The following SCAF4 variants were observed in gnomAD, a reference collection of about 807,000 sequenced individuals.
SCAF4 encodes SR-related CTD associated factor 4.
SCAF4 carries 25 observed loss-of-function variants against 129.8 expected under a neutral mutation model. The ratio of observed to expected loss-of-function variants is 0.19; its 90% CI spans 0.14 to 0.27. SCAF4 has a LOEUF of 0.27. Ranked by LOEUF, SCAF4 falls within the 10% of genes least tolerant of loss-of-function variation. The pLI is 1.00. For synonymous variants in SCAF4, 551 were observed against 497.7 expected (o/e 1.11, Z -1.43); for missense variants, 1,246 against 1,457.1 (o/e 0.86, Z 2.36).
intron 1 of SCAF4, among the ~76,000 whole-genome samples, chr21:31,723,636 G>GCA (rs1205889541): frequency 4.1e-5 from 6 of 146,678 alleles, no homozygotes; most frequent in South Asian, 2.2e-4. Flanking sequence ...GTGTGCGCGC[G>GCA]CGCGCGCGCG....
chr21:31,727,157 C>T (rs1379340464), intron 1 of SCAF4, among the ~76,000 whole-genome samples: 1 of 152,094 alleles, frequency 6.6e-6, no homozygotes, highest in East Asian at 1.9e-4. Flanking sequence ...CGGTTCACTG[C>T]AACCTCTGCC....
intron 3 of SCAF4, among the ~76,000 whole-genome samples, chr21:31,704,680 T>C (rs1036473387): frequency 3.3e-5 from 5 of 152,204 alleles, no homozygotes; most frequent in African/African-American, 1.2e-4. Flanking sequence ...TTTACTTTTA[T>C]AAATGTACAT....
chr21:31,700,755 T>TTTC (rs1482806199), intron 7 of SCAF4: 1 of 411,336 alleles, frequency 2.4e-6, no homozygotes, highest in Non-Finnish European at 4.4e-6. Flanking sequence ...TTTTTTTTTT[T>TTTC]TTCACTTTTT....
intron 1 of SCAF4, among the ~76,000 whole-genome samples, chr21:31,714,538 TAAA>T (rs1194853904): frequency 6.6e-6 from 1 of 152,138 alleles, no homozygotes; most frequent in African/African-American, 2.4e-5. Flanking sequence ...CAAAATCCTC[TAAA>T]AATTATGAAG....
intron 16 of SCAF4, among the ~76,000 whole-genome samples, chr21:31,687,230 A>C (rs112795458): frequency 0.016 from 2,437 of 152,302 alleles, 73 homozygotes; most frequent in African/African-American, 0.055. Flanking sequence ...ACATAGAACT[A>C]TGGGTCAAGT....
At chr21:31,710,031 G>C (rs989929675) in intron 1 of SCAF4, among the ~76,000 whole-genome samples, 1 of 151,734 alleles carries the variant, frequency 6.6e-6, no homozygotes, top group South Asian at 2.1e-4. Flanking sequence ...AAGGAATATA[G>C]GGGGAAAAAA....
chr21:31,718,328 T>G (rs1237567821), intron 1 of SCAF4, among the ~76,000 whole-genome samples: 1 of 152,212 alleles, frequency 6.6e-6, no homozygotes, highest in East Asian at 1.9e-4. Context: ...AAATTCCACT[T>G]GCTTGTCACA....
In SCAF4 at chr21:31,685,681, G is replaced by A; in HGVS notation, c.2096C>T (p.Ala699Val). 6.2e-7 allele frequency: 1 copy of A among 1,612,822 alleles called. No homozygotes were observed. Among genetic ancestry groups the A allele is most frequent in the Non-Finnish European group, 8.5e-7 (1 of 1,179,470 alleles). Residue 699 changes from alanine to valine, a missense_variant, in exon 17 of 20, where the codon GCT (alanine) becomes GTT (valine). By Grantham distance (64) the Ala-to-Val change is moderately conservative. This residue lies in a region of SCAF4 where 468 missense variants were observed against 605.5 expected (regional missense o/e 0.77). Transcript: ENST00000286835. ...CGGTATTCCCAGAGGAGGCGTGAAA[G>A]CAGGCGGCTGGAGAGCACCAACTAC... Reference protein sequence around the residue: ...PPVVGALQPPAFTPPLGIPPP... With the variant: ...PPVVGALQPPVFTPPLGIPPP...
chr21:31,685,521 C>T, intron 17 of SCAF4, 37 bp from the exon 18 acceptor site: 2 of 1,613,360 alleles, frequency 1.2e-6, no homozygotes, highest in Admixed American at 1.7e-5. Flanking sequence ...TATGCTGTAT[C>T]ACTCCATCGC....
intron 1 of SCAF4, among the ~76,000 whole-genome samples, chr21:31,727,913 A>AC (rs1422319202): frequency 2.6e-5 from 2 of 77,210 alleles, no homozygotes; most frequent in African/African-American, 4.9e-5. Flanking sequence ...GATAACTGAT[A>AC]CTTTTTCACT....
intron 19 of SCAF4, among the ~76,000 whole-genome samples, chr21:31,681,803 A>C (rs1190451021): frequency 6.6e-6 from 1 of 152,210 alleles, no homozygotes; most frequent in African/African-American, 2.4e-5. Context: ...CCCGCACTTA[A>C]GTCTGATGAT....
chr21:31,727,705 C>T (rs774093254), intron 1 of SCAF4, among the ~76,000 whole-genome samples: 2 of 151,876 alleles, frequency 1.3e-5, no homozygotes, highest in East Asian at 1.9e-4. Flanking sequence ...GCAGGAGAAT[C>T]GCTTGAACCC....
intron 1 of SCAF4, among the ~76,000 whole-genome samples, chr21:31,728,303 C>CTT (rs2123701521): frequency 6.6e-6 from 1 of 152,188 alleles, no homozygotes; most frequent in East Asian, 1.9e-4. Flanking sequence ...CCCTTCCTTC[C>CTT]CTCATCCTTA....
At chr21:31,715,112 A>T (rs890417497) in intron 1 of SCAF4, among the ~76,000 whole-genome samples, 1 of 152,208 alleles carries the variant, frequency 6.6e-6, no homozygotes, top group Non-Finnish European at 1.5e-5. Flanking sequence ...TCTCACTAGC[A>T]TCAGCAAGGC....
At position 31,694,996 on chromosome 21, in the gene SCAF4, A is replaced by G. The variant is rs753641961; in HGVS notation, c.1069-16T>C. Reference sequence around the variant, plus strand: ...GAAGTGGAACCTTTCATTTTTAAAGAAAGTGTATGAGTAATAGCTATCAAA... The same window carrying G: ...GAAGTGGAACCTTTCATTTTTAAAGGAAGTGTATGAGTAATAGCTATCAAA... On this transcript the variant is annotated splice_polypyrimidine_tract_variant and intron_variant, in intron 9 of 19. Coordinates refer to ENST00000286835, the MANE Select transcript of SCAF4 (RefSeq NM_020706.2). 5.2e-5 allele frequency: 83 copies of G among 1,608,326 alleles called. No individual in the cohort carries two copies. Among genetic ancestry groups the G allele is most frequent in the Non-Finnish European group, 6.7e-5 (79 of 1,175,638 alleles).
intron 8 of SCAF4, 150 bp from the exon 9 acceptor site, chr21:31,696,371 G>T (rs1308929064): frequency 1.3e-6 from 1 of 750,480 alleles, no homozygotes; most frequent in Non-Finnish European, 2.1e-6. Flanking sequence ...TATAAACTCA[G>T]TATTATTCCC....
At chr21:31,731,436 G>T (rs1318075593) in intron 1 of SCAF4, among the ~76,000 whole-genome samples, 1 of 152,160 alleles carries the variant, frequency 6.6e-6, no homozygotes, top group Non-Finnish European at 1.5e-5. Context: ...GAAGCCCGAG[G>T]TCGCGGTCCG....
rs1188649543 is a variant in SCAF4, at chr21:31,691,942, C to A, written c.1615-12G>T. On this transcript the variant is annotated splice_polypyrimidine_tract_variant and intron_variant, in intron 13 of 19. Transcript: ENST00000286835. ...CTGGGAGGAATCATCTGCTCCAAAACATTTTAATATTATAAAAGATAACAA... is the reference window on the plus strand; with the variant it reads ...CTGGGAGGAATCATCTGCTCCAAAAAATTTTAATATTATAAAAGATAACAA... The A allele has an allele frequency of 7.4e-7, 1 of 1,344,614 alleles. No homozygotes were observed. The highest frequency in any genetic ancestry group is 1.0e-6 in the Non-Finnish European group (1 of 955,352). 83.3% of individuals were successfully genotyped at this position (1,344,614 alleles called of 1,614,324 possible).
chr21:31,690,260 G>A (rs373479857), intron 15 of SCAF4, among the ~76,000 whole-genome samples: 12 of 152,026 alleles, frequency 7.9e-5, no homozygotes, highest in Admixed American at 2.0e-4. Flanking sequence ...CGAGGTGGGC[G>A]GATCATTTGA....
Sources: gnomAD v4.1 joint callset for allele counts (sites outside exome capture counted in the v4.1 genomes callset) on GRCh38, gnomAD v4.1.1 for gene constraint, gnomAD v4.1.1 regional missense constraint, MANE v1.5 for transcripts, NCBI Gene and HGNC (gene_info 2026-07-23, HGNC 2026-07-21) for gene names.